The following CEACAM18 variants were observed in gnomAD, a reference collection of about 807,000 sequenced individuals.
CEACAM18 encodes cell adhesion molecule CEACAM18.
In CEACAM18, 33 loss-of-function variants were observed where a neutral mutation model predicts 34.3. The ratio of observed to expected loss-of-function variants is 0.96; its 90% CI spans 0.73 to 1.29. The LOEUF is 1.29. Ranked by LOEUF, CEACAM18 falls within the 50% of genes most tolerant of loss-of-function variation. The probability of loss-of-function intolerance (pLI) is 0.00; values close to 1 mark genes in which losing one functional copy is unlikely to be tolerated. For synonymous variants in CEACAM18, 169 were observed against 180.9 expected, an observed-to-expected ratio of 0.93 and a Z score of 0.53; for missense variants, 474 against 485.0, an observed-to-expected ratio of 0.98 and a Z score of 0.21.
chr19:51,480,715 A>C, intron 2 of CEACAM18, 35 bp downstream of exon 2: 1 of 1,562,554 alleles, frequency 6.4e-7, no homozygotes, highest in South Asian at 1.2e-5. Flanking sequence ...CCAACCCCCA[A>C]GGAGAGCTAG....
chr19:51,490,454 T>C (rs569413761), intron 5 of CEACAM18, 133 bp from the exon 6 acceptor site: 180 of 605,708 alleles, frequency 3.0e-4, no homozygotes, highest in African/African-American at 7.6e-5. Flanking sequence ...ATCTCCTCCA[T>C]TGGGTCCCAT....
At chr19:51,488,541 C>T (rs534445346) in intron 5 of CEACAM18, among the ~76,000 whole-genome samples, 1 of 152,280 alleles carries the variant, frequency 6.6e-6, no homozygotes, top group East Asian at 1.9e-4. Flanking sequence ...TACAAGACCT[C>T]GCCTGGGAGG....
At position 51,486,866 on chromosome 19, in the gene CEACAM18, C is replaced by T. The variant is rs1438008255; in HGVS notation, c.1089+1744C>T. ...CCAAGTAGCCAGGACTACAGGCGCCCGCCACCACACCTGGCTAATTTTTTT... is the reference window on the plus strand; with the variant it reads ...CCAAGTAGCCAGGACTACAGGCGCCTGCCACCACACCTGGCTAATTTTTTT... On this transcript the variant is annotated intron_variant, in intron 5 of 5. Transcript: ENST00000396477. 5.3e-5 allele frequency among the ~76,000 whole-genome samples: 8 copies of T among 151,176 alleles called. No homozygotes were observed. In the East Asian group the frequency reaches 1.2e-3, roughly 22 times the overall value.
chr19:51,490,698 A>AGGC (rs374649701), exon 6 of CEACAM18: 1 of 1,068,434 alleles, frequency 9.4e-7, no homozygotes, highest in African/African-American at 1.6e-5. Context: ...AGGGCCAGCG[A>AGGC]GGCTGAAAAG....
exon 4 of CEACAM18, chr19:51,483,119 C>G (rs577459780): frequency 6.2e-7 from 1 of 1,614,048 alleles, no homozygotes; most frequent in East Asian, 2.2e-5. Flanking sequence ...ATCTGCTATT[C>G]CTTCCTGGAT....
chr19:51,478,645 G>T (rs2122177423), exon 1 of CEACAM18: 2 of 1,550,454 alleles, frequency 1.3e-6, no homozygotes, highest in East Asian at 5.0e-5. Context: ...GGCAGCTCAT[G>T]GACCTTTCCA....
At chr19:51,485,198 G>A (rs1989979343) in intron 5 of CEACAM18, 76 bp downstream of exon 5, 2 of 1,389,504 alleles carry the variant, frequency 1.4e-6, no homozygotes, top group African/African-American at 2.9e-5. Flanking sequence ...TCCCTCCAGA[G>A]GGGAAGCAGA....
intron 5 of CEACAM18, among the ~76,000 whole-genome samples, chr19:51,489,785 G>T (rs1381419419): frequency 6.6e-6 from 1 of 152,198 alleles, no homozygotes; most frequent in African/African-American, 2.4e-5. Flanking sequence ...TACCTTGGAA[G>T]AAGGGTTGGT....
chr19:51,490,435 C>G (rs1990071715), intron 5 of CEACAM18, among the ~76,000 whole-genome samples, 152 bp from the exon 6 acceptor site: 1 of 151,984 alleles, frequency 6.6e-6, no homozygotes, highest in Admixed American at 6.6e-5. Context: ...GAGGTGCAGC[C>G]CTCAGACCAT....
At chr19:51,484,757 C>T (rs1163280242) in intron 4 of CEACAM18, among the ~76,000 whole-genome samples, 1 of 152,244 alleles carries the variant, frequency 6.6e-6, no homozygotes, top group Admixed American at 6.5e-5. Context: ...CAGTGTGAGA[C>T]ATCTCTTTGC....
intron 4 of CEACAM18, 121 bp from the exon 5 acceptor site, chr19:51,484,866 C>T: frequency 1.6e-6 from 2 of 1,247,334 alleles, no homozygotes; most frequent in Non-Finnish European, 2.2e-6. Flanking sequence ...TGGAACAGTG[C>T]TTTGCTGATA....
chr19:51,491,211 ATTT>A (rs55774114), downstream of CEACAM18: 6 of 149,128 alleles, frequency 4.0e-5, no homozygotes, highest in Admixed American at 6.6e-5. Flanking sequence ...CAAATATTTA[ATTT>A]TTTTTTTTTT....
At chr19:51,480,819 C>A in intron 2 of CEACAM18, 139 bp downstream of exon 2, 2 of 772,056 alleles carry the variant, frequency 2.6e-6, no homozygotes, top group Non-Finnish European at 4.1e-6. Context: ...CCATGGACAG[C>A]TCCTGGGGGA....
intron 1 of CEACAM18, among the ~76,000 whole-genome samples, chr19:51,479,187 C>T (rs1052239685): frequency 1.3e-5 from 2 of 152,068 alleles, no homozygotes; most frequent in African/African-American, 4.8e-5. Flanking sequence ...TCCTGCTTTA[C>T]CACGTGTACT....
chr19:51,485,362 C>T (rs578040396), intron 5 of CEACAM18, among the ~76,000 whole-genome samples: 1 of 152,288 alleles, frequency 6.6e-6, no homozygotes, highest in South Asian at 2.1e-4. Flanking sequence ...AGCAACTTCC[C>T]TTCTCTTTGT....
chr19:51,480,795 T>C (rs1370301004), intron 2 of CEACAM18, 115 bp downstream of exon 2: 3 of 945,266 alleles, frequency 3.2e-6, no homozygotes, highest in Non-Finnish European at 4.7e-6. Flanking sequence ...GGAGCCGCCC[T>C]GGAATCTTGT....
chr19:51,480,428 G>C, exon 2 of CEACAM18: 3 of 1,613,536 alleles, frequency 1.9e-6, no homozygotes, highest in African/African-American at 1.3e-5. Context: ...CGTGGCCCTG[G>C]ATAAGGTCCC....
chr19:51,486,798 A>T (rs1990010690), intron 5 of CEACAM18, among the ~76,000 whole-genome samples: 1 of 149,444 alleles, frequency 6.7e-6, no homozygotes, highest in Middle Eastern at 3.2e-3. Context: ...GCTCACTGCA[A>T]GCTCCGCCTC....
rs1316128523 is a variant in CEACAM18 at position 51,478,698 on chromosome 19, A to G, written c.52+4A>G. 2.1e-6 allele frequency: 3 copies of G among 1,445,720 alleles called. No homozygotes were observed. In the African/African-American group the frequency reaches 4.4e-5, roughly 21 times the overall value. 89.6% of individuals were successfully genotyped at this position (1,445,720 alleles called of 1,614,324 possible). A position where few individuals can be genotyped will look rare whatever the true frequency, so the allele number is the denominator to read the frequency against. ...TGGAGGAGGGTCTTCCTCATGGGTA[A>G]GAGATGCTGGATGCTGGATGAGCTT... On this transcript the variant is annotated splice_donor_region_variant and intron_variant, in intron 1 of 5. Coordinates refer to ENST00000396477, the Ensembl canonical transcript of CEACAM18.
Sources: gnomAD v4.1 joint callset for allele counts (sites outside exome capture counted in the v4.1 genomes callset) on GRCh38, gnomAD v4.1.1 for gene constraint, MANE v1.5 for transcripts, NCBI Gene and HGNC (gene_info 2026-07-23, HGNC 2026-07-21) for gene names.